Variants in ARHGAP21 observed in about 807,000 individuals in gnomAD.
ARHGAP21 encodes the protein rho GTPase-activating protein 21.
ARHGAP21 carries 38 observed loss-of-function variants against 164.6 expected under a neutral mutation model. That is an observed-to-expected ratio of 0.23 (90% confidence interval 0.18 to 0.30). ARHGAP21 has a LOEUF of 0.30. Ranked by LOEUF, ARHGAP21 falls within the 10% of genes least tolerant of loss-of-function variation. The pLI is 1.00. For missense variants in ARHGAP21, 1,822 were observed against 2,370.7 expected, an observed-to-expected ratio of 0.77 and a Z score of 4.81; for synonymous variants, 766 against 857.9, an observed-to-expected ratio of 0.89 and a Z score of 1.87.
In ARHGAP21 at chr10:24,584,894, G is replaced by A. The variant is rs768755069; in HGVS notation, c.5395C>T (p.Arg1799Trp). ...NAETAKRKSI[R>W]RRHTLGGHRD... ...TGCCCTCCTAGTGTATGTCTGCGCC[G>A]GATGCTTTTCCTTTTAGCAGTCTCG... The change falls in exon 26 of 26, where the codon CGG (arginine) becomes TGG (tryptophan). Residue 1799 changes from arginine (R) to tryptophan (W), a missense_variant. Physicochemically the swap from Arg to Trp is moderately radical, Grantham distance 101 (BLOSUM62 -3). Transcript: ENST00000396432. The A allele has an allele frequency of 1.2e-6, 2 of 1,613,814 alleles. No individual in the cohort carries two copies. The highest frequency in any genetic ancestry group is 2.2e-5 in the East Asian group (1 of 44,874).
intron 24 of ARHGAP21, 48 bp from the exon 25 acceptor site, chr10:24,589,350 GCTT>G (rs1429436094): frequency 6.6e-7 from 1 of 1,524,898 alleles, no homozygotes; most frequent in Non-Finnish European, 9.0e-7. Context: ...AATCTTTACT[GCTT>G]TCCACAAACA....
At chr10:24,611,428 G>T (rs2077256962) in intron 9 of ARHGAP21, among the ~76,000 whole-genome samples, 1 of 152,182 alleles carries the variant, frequency 6.6e-6, no homozygotes, top group Non-Finnish European at 1.5e-5. Context: ...CACAGGCCAG[G>T]CGCGGTGGCT....
chr10:24,694,993 G>T (rs2132052102), intron 2 of ARHGAP21, among the ~76,000 whole-genome samples: 1 of 120,332 alleles, frequency 8.3e-6, no homozygotes, highest in South Asian at 2.8e-4. Context: ...GGAGGTTGCA[G>T]TGAGCTGAGA....
intron 7 of ARHGAP21, among the ~76,000 whole-genome samples, chr10:24,625,749 C>T (rs1369746739): frequency 6.6e-6 from 1 of 152,142 alleles, no homozygotes; most frequent in Admixed American, 6.6e-5. Context: ...ACATGAAATG[C>T]TTATTTTAAA....
At chr10:24,670,130 G>T in intron 3 of ARHGAP21, 88 bp downstream of exon 3, 1 of 834,078 alleles carries the variant, frequency 1.2e-6, no homozygotes, top group Non-Finnish European at 1.7e-6. Context: ...CAGAAAAAAG[G>T]CCATAGGGAA....
intron 7 of ARHGAP21, among the ~76,000 whole-genome samples, chr10:24,627,768 T>G (rs1306226949): frequency 2.0e-5 from 3 of 152,212 alleles, no homozygotes; most frequent in African/African-American, 7.2e-5. Context: ...AAGTGACCTC[T>G]TTTTCCATTA....
chr10:24,682,918 A>T (rs148799655), intron 2 of ARHGAP21, among the ~76,000 whole-genome samples: 1 of 151,942 alleles, frequency 6.6e-6, no homozygotes, highest in African/African-American at 2.4e-5. Flanking sequence ...ACACAGTGAA[A>T]CCCCCGTCTC....
intron 6 of ARHGAP21, 124 bp downstream of exon 6, chr10:24,633,278 A>T: frequency 1.5e-6 from 1 of 679,418 alleles, no homozygotes. Flanking sequence ...CATTATATCT[A>T]AGGGAAAGTT....
chr10:24,667,890 T>C (rs1840348446), intron 3 of ARHGAP21, among the ~76,000 whole-genome samples: 1 of 152,180 alleles, frequency 6.6e-6, no homozygotes, highest in Non-Finnish European at 1.5e-5. Context: ...TTTAATTCGT[T>C]TGAAGTGAAT....
At chr10:24,679,920 C>T (rs893551788) in intron 2 of ARHGAP21, among the ~76,000 whole-genome samples, 3 of 152,104 alleles carry the variant, frequency 2.0e-5, no homozygotes, top group Admixed American at 1.3e-4. Context: ...TCTCCTAATG[C>T]TATCCCTCCC....
chr10:24,678,651 C>T (rs747596323), intron 2 of ARHGAP21, among the ~76,000 whole-genome samples: 5 of 152,068 alleles, frequency 3.3e-5, no homozygotes, highest in Admixed American at 1.3e-4. Context: ...AGGCATGCAC[C>T]GCCATCATGC....
intron 2 of ARHGAP21, among the ~76,000 whole-genome samples, chr10:24,676,354 G>T (rs142939495): frequency 1.2e-4 from 19 of 152,288 alleles, no homozygotes; most frequent in African/African-American, 3.6e-4. Context: ...CTGCATTACT[G>T]CATGCTGCTG....
At chr10:24,702,686 A>C (rs1593341708) in intron 2 of ARHGAP21, among the ~76,000 whole-genome samples, 1 of 151,874 alleles carries the variant, frequency 6.6e-6, no homozygotes, top group Admixed American at 6.6e-5. Flanking sequence ...TCCCCGGCTC[A>C]AGCAATTGCC....
Position 24,656,219 on chromosome 10 carries a change from GT to G in ARHGAP21, c.268+10765del, listed in dbSNP as rs1266827567. Reference sequence around the variant, plus strand: ...CCCCATCCGGGAGGGAGGTGGGGGGGTCATCCCCCCGCCCGGCCAGCCGCCC... The same window carrying G: ...CCCCATCCGGGAGGGAGGTGGGGGGGCATCCCCCCGCCCGGCCAGCCGCCC... On this transcript the variant is annotated intron_variant, in intron 4 of 25. Coordinates refer to ENST00000396432, the MANE Select transcript of ARHGAP21 (RefSeq NM_020824.4). Among the ~76,000 whole-genome samples, 165 of 136,756 alleles carry G rather than the reference GT, an allele frequency of 1.2e-3. 11 individuals carry two copies. The highest frequency in any genetic ancestry group is 4.6e-3 in the African/African-American group (159 of 34,198). 89.7% of individuals were successfully genotyped at this position (136,756 alleles called of 152,430 possible).
chr10:24,591,148 T>C (rs1347801228), intron 24 of ARHGAP21, 77 bp downstream of exon 24: 21 of 1,241,544 alleles, frequency 1.7e-5, no homozygotes, highest in Non-Finnish European at 2.3e-5. Context: ...AACAATTCAC[T>C]ATGATTGATT....
chr10:24,691,356 G>A (rs991435063), intron 2 of ARHGAP21, among the ~76,000 whole-genome samples: 2 of 152,200 alleles, frequency 1.3e-5, no homozygotes, highest in Non-Finnish European at 2.9e-5. Flanking sequence ...ATGGAGCAAT[G>A]AGGCTGTCAT....
chr10:24,644,700 C>T (rs886585478), intron 4 of ARHGAP21, among the ~76,000 whole-genome samples: 2 of 152,172 alleles, frequency 1.3e-5, no homozygotes, highest in African/African-American at 4.8e-5. Flanking sequence ...TTACCAACTC[C>T]TCCTGGTTGT....
chr10:24,718,949 G>A (rs1208908068), intron 2 of ARHGAP21, among the ~76,000 whole-genome samples: 1 of 151,800 alleles, frequency 6.6e-6, no homozygotes, highest in Non-Finnish European at 1.5e-5. Flanking sequence ...CTCTTCTTTG[G>A]CTTAAAAAAA....
chr10:24,617,850 A>T (rs1178222801), intron 9 of ARHGAP21, among the ~76,000 whole-genome samples: 3 of 121,308 alleles, frequency 2.5e-5, no homozygotes, highest in Non-Finnish European at 6.1e-5. Context: ...ATGATGGAGA[A>T]CTCTTTTCAT....
Sources: allele counts gnomAD v4.1 joint callset (sites outside exome capture counted in the v4.1 genomes callset), GRCh38; gene constraint gnomAD v4.1.1; transcripts MANE v1.5; gene names NCBI Gene and HGNC (gene_info 2026-07-23, HGNC 2026-07-21).